The following ELAVL4 variants were observed in gnomAD, a reference collection of about 807,000 sequenced individuals.
ELAVL4 encodes ELAV like RNA binding protein 4, also known as ELAV-like protein 4.
Under a neutral mutation model 35.6 loss-of-function variants are expected in ELAVL4, and 1 was observed. The observed-to-expected ratio is 0.03, with a 90% CI of 0.01 to 0.13. The LOEUF (loss-of-function observed/expected upper bound fraction) is 0.13, where lower values mean the gene tolerates loss of function less well. ELAVL4 is among the 10% of genes least tolerant of loss of function. The probability of loss-of-function intolerance (pLI) is 1.00; values close to 1 mark genes in which losing one functional copy is unlikely to be tolerated. For missense variants in ELAVL4, 267 were observed against 464.9 expected (o/e 0.57, Z 3.91); for synonymous variants, 156 against 171.0 (o/e 0.91, Z 0.69).
chr1:50,183,278 T>C (rs987158578), intron 3 of ELAVL4, among the ~76,000 whole-genome samples: 11 of 152,178 alleles, frequency 7.2e-5, no homozygotes, highest in Admixed American at 6.5e-4. Context: ...ATGAAATATT[T>C]CCAGAGGACA....
chr1:50,083,048 G>A (rs181979075), intron 1 of ELAVL4, among the ~76,000 whole-genome samples: 2 of 152,122 alleles, frequency 1.3e-5, no homozygotes, highest in Non-Finnish European at 2.9e-5. Context: ...AGCTCTCCTA[G>A]AGAATAATAC....
At chr1:50,127,600 G>C (rs1021272744) in intron 1 of ELAVL4, among the ~76,000 whole-genome samples, 1 of 152,062 alleles carries the variant, frequency 6.6e-6, no homozygotes, top group African/African-American at 2.4e-5. Flanking sequence ...ATTCCTAGAG[G>C]GCAGTGATCA....
chr1:50,077,505 CT>C (rs1378929179), intron 1 of ELAVL4, among the ~76,000 whole-genome samples: 4 of 152,110 alleles, frequency 2.6e-5, no homozygotes, highest in Non-Finnish European at 5.9e-5. Context: ...GGGCAAATGA[CT>C]TTTTTCCGTC....
chr1:50,127,469 T>C lies in ELAVL4; in HGVS notation c.10-17488T>C, dbSNP rs79507757. Reference sequence around the variant, plus strand: ...TTTAGATGGTGATGGCGAAAGCATTTCAGTGGACATATATGCAAAGACATG... The same window carrying C: ...TTTAGATGGTGATGGCGAAAGCATTCCAGTGGACATATATGCAAAGACATG... On this transcript the variant is annotated intron_variant, in intron 1 of 6. Transcript: ENST00000371824. Among the ~76,000 whole-genome samples, 128 of 152,152 alleles carry C rather than the reference T, an allele frequency of 8.4e-4. 4 individuals are homozygous for C. In the East Asian group the frequency reaches 0.02, roughly 24 times the overall value.
chr1:50,062,423 A>G (rs1037172497), intron 1 of ELAVL4, among the ~76,000 whole-genome samples: 23 of 151,642 alleles, frequency 1.5e-4, no homozygotes, highest in Non-Finnish European at 2.9e-4. Context: ...TCTTTGGACC[A>G]CCCCAAATTG....
chr1:50,057,901 A>G (rs1177815285), intron 1 of ELAVL4, among the ~76,000 whole-genome samples: 1 of 152,236 alleles, frequency 6.6e-6, no homozygotes, highest in Non-Finnish European at 1.5e-5. Flanking sequence ...TATACATGGG[A>G]CAATCTTGTG....
At chr1:50,082,332 C>T (rs2148497166) in intron 1 of ELAVL4, among the ~76,000 whole-genome samples, 1 of 152,328 alleles carries the variant, frequency 6.6e-6, no homozygotes, top group South Asian at 2.1e-4. Context: ...CACATCCTCT[C>T]CAGCATCTGT....
At chr1:50,179,611 C>T (rs1291515568) in intron 3 of ELAVL4, 2 of 152,126 alleles carry the variant, frequency 1.3e-5, no homozygotes, top group African/African-American at 4.8e-5. Flanking sequence ...TGCTCTGACT[C>T]CCATGAAGGA....
rs1196441182 is a variant in ELAVL4 at position 50,193,727 on chromosome 1, T to G, written c.355-38T>G. 1.9e-6 allele frequency: 3 copies of G among 1,596,352 alleles called. No homozygotes were observed. In the South Asian group the frequency reaches 3.4e-5, roughly 18 times the overall value. On this transcript the variant is annotated intron_variant, in intron 3 of 6. Coordinates refer to ENST00000371824, the MANE Select transcript of ELAVL4 (RefSeq NM_001144774.3). ...ACTCAGCATCTACTCTGAGGGTGATTGCCTATAATGGAATTAGCTCCTCTT... is the reference window on the plus strand; with the variant it reads ...ACTCAGCATCTACTCTGAGGGTGATGGCCTATAATGGAATTAGCTCCTCTT...
intron 1 of ELAVL4, among the ~76,000 whole-genome samples, chr1:50,133,708 A>C (rs1440364221): frequency 1.3e-5 from 2 of 152,150 alleles, no homozygotes; most frequent in East Asian, 3.8e-4. Context: ...ATAAACTTTC[A>C]AGTGTGATAA....
chr1:50,083,995 T>C (rs1307754131), intron 1 of ELAVL4, among the ~76,000 whole-genome samples: 2 of 152,202 alleles, frequency 1.3e-5, no homozygotes, highest in Non-Finnish European at 2.9e-5. Flanking sequence ...GAGAGCTGCC[T>C]TGAATGCCTA....
intron 1 of ELAVL4, among the ~76,000 whole-genome samples, chr1:50,128,340 G>T (rs1441830154): frequency 6.6e-6 from 1 of 152,144 alleles, no homozygotes; most frequent in Non-Finnish European, 1.5e-5. Context: ...TGATTCTGAA[G>T]AGGAGAGATA....
upstream of ELAVL4, among the ~76,000 whole-genome samples, chr1:50,107,340 C>T (rs562826031): frequency 2.0e-5 from 3 of 152,266 alleles, no homozygotes; most frequent in South Asian, 6.2e-4. Flanking sequence ...CATGTATTTT[C>T]ATTTCTAATA....
At chr1:50,133,790 A>G (rs1278252474) in intron 1 of ELAVL4, among the ~76,000 whole-genome samples, 1 of 152,164 alleles carries the variant, frequency 6.6e-6, no homozygotes, top group Non-Finnish European at 1.5e-5. Flanking sequence ...ACATGTAGCT[A>G]TATGAGGCTA....
chr1:50,112,376 G>A lies in ELAVL4; in HGVS notation c.9+3178G>A, dbSNP rs76148375. 6.6e-5 allele frequency among the ~76,000 whole-genome samples: 10 copies of A among 152,178 alleles called. 1 individual carries two copies. The East Asian group carries it at 1.4e-3, about 21-fold the overall frequency. On this transcript the variant is annotated intron_variant, in intron 1 of 6. Coordinates refer to ENST00000371824, the MANE Select transcript of ELAVL4 (RefSeq NM_001144774.3). ...TTGGCTTGGGTTGTAAAAAAGACAC[G>A]TGGTTCTGATGCTGACCTTTCTCGA...
chr1:50,055,541 C>T (rs1173093072), intron 1 of ELAVL4, among the ~76,000 whole-genome samples: 1 of 151,948 alleles, frequency 6.6e-6, no homozygotes, highest in East Asian at 1.9e-4. Context: ...CCTCGTGATC[C>T]ACCCGCCTCG....
intron 2 of ELAVL4, among the ~76,000 whole-genome samples, chr1:50,176,309 T>C (rs1231470991): frequency 6.6e-6 from 1 of 152,230 alleles, no homozygotes; most frequent in East Asian, 1.9e-4. Context: ...CCTTTTTCTT[T>C]ATTGTTCTTT....
Position 50,133,582 on chromosome 1 carries a change from G to A in ELAVL4, c.10-11375G>A, listed in dbSNP as rs987138906. On this transcript the variant is annotated intron_variant, in intron 1 of 6. Transcript: ENST00000371824. ...TTATAAAAAGAAAGAAAGAGAGAGA[G>A]AAAGAAAGAAAGAAAGAAAAGAAAG... Among the ~76,000 whole-genome samples the A allele has an allele frequency of 6.6e-5, 7 of 105,838 alleles. No homozygotes were observed. In the South Asian group the frequency reaches 2.1e-3, roughly 32 times the overall value. The allele number at this position is 105,838 out of a possible 152,430, so 69.4% of individuals were successfully genotyped here.
intron 1 of ELAVL4, among the ~76,000 whole-genome samples, chr1:50,057,355 A>C (rs1663732565): frequency 6.6e-6 from 1 of 152,188 alleles, no homozygotes; most frequent in Non-Finnish European, 1.5e-5. Flanking sequence ...AGCTAAAGTT[A>C]ATTTATTATT....
Sources: gnomAD v4.1 joint callset for allele counts (sites outside exome capture counted in the v4.1 genomes callset) on GRCh38, gnomAD v4.1.1 for gene constraint, MANE v1.5 for transcripts, NCBI Gene and HGNC (gene_info 2026-07-23, HGNC 2026-07-21) for gene names.